WASHC3: variants seen among roughly 807,000 people sequenced by gnomAD.
WASHC3 encodes WASH complex subunit CCDC53.
A neutral mutation model predicts 26.1 loss-of-function variants in WASHC3; 24 were observed. The observed-to-expected ratio is 0.92, with a 90% confidence interval of 0.66 to 1.29. WASHC3 has a LOEUF of 1.29. Among genes scored for constraint, WASHC3 ranks in the 50% most tolerant of loss-of-function variants. The pLI, the probability that WASHC3 is intolerant of heterozygous loss-of-function variation, is 0.00. For missense variants in WASHC3, 214 were observed against 229.6 expected (o/e 0.93, Z 0.44); for synonymous variants, 77 against 75.7 (o/e 1.02, Z -0.09).
At chr12:102,030,156 G>A (rs575790493) in intron 5 of WASHC3, among the ~76,000 whole-genome samples, 1 of 152,006 alleles carries the variant, frequency 6.6e-6, no homozygotes, top group East Asian at 1.9e-4. Flanking sequence ...TTAGCCAGGA[G>A]TGGTGGCACA....
intron 5 of WASHC3, among the ~76,000 whole-genome samples, chr12:102,027,158 A>G (rs1307148953): frequency 6.6e-6 from 1 of 152,204 alleles, no homozygotes; most frequent in Non-Finnish European, 1.5e-5. Context: ...CTGTCACCTC[A>G]ATTATTTATT....
chr12:102,019,324 C>G, intron 6 of WASHC3: 1 of 328,112 alleles, frequency 3.0e-6, no homozygotes, highest in Non-Finnish European at 6.0e-6. Flanking sequence ...TCAAGGGGAA[C>G]AGAAATTTGG....
intron 2 of WASHC3, among the ~76,000 whole-genome samples, chr12:102,053,830 A>C (rs967434417): frequency 6.6e-6 from 1 of 152,260 alleles, no homozygotes; most frequent in African/African-American, 2.4e-5. Context: ...ATGGTGATTA[A>C]ATCACTTATA....
Position 102,038,231 on chromosome 12 carries a change from C to T in WASHC3, c.435+1637G>A, listed in dbSNP as rs144003298. ...AAATAAATCTAGATAATACCTAATA[C>T]AGTAGCTTAGCTTCAAGTAAGTGTT... is the stretch of plus-strand genomic sequence containing the variant. On this transcript the variant is annotated intron_variant, in intron 5 of 6. Coordinates refer to ENST00000240079, the MANE Select transcript of WASHC3 (RefSeq NM_016053.4). 1.4e-3 allele frequency among the ~76,000 whole-genome samples: 215 copies of T among 152,296 alleles called. 1 individual carries two copies. The highest frequency in any genetic ancestry group is 4.4e-3 in the African/African-American group (182 of 41,556).
chr12:102,023,265 T>A (rs1301528075), intron 6 of WASHC3, among the ~76,000 whole-genome samples: 1 of 152,214 alleles, frequency 6.6e-6, no homozygotes, highest in East Asian at 1.9e-4. Flanking sequence ...CAATCAACTA[T>A]AAATATTTTT....
intron 2 of WASHC3, among the ~76,000 whole-genome samples, chr12:102,053,732 T>C (rs886450461): frequency 6.6e-6 from 1 of 151,954 alleles, no homozygotes; most frequent in African/African-American, 2.4e-5. Context: ...AACAGAAAGA[T>C]TGGAATTATT....
intron 2 of WASHC3, among the ~76,000 whole-genome samples, chr12:102,054,835 C>T (rs576876526): frequency 6.9e-4 from 105 of 151,712 alleles, no homozygotes; most frequent in African/African-American, 2.3e-3. Flanking sequence ...AAATTAAAAA[C>T]GAAATTAAAA....
At chr12:102,054,737 C>G (rs1223676280) in intron 2 of WASHC3, among the ~76,000 whole-genome samples, 2 of 151,672 alleles carry the variant, frequency 1.3e-5, no homozygotes, top group Non-Finnish European at 2.9e-5. Flanking sequence ...GGTTTGAAAC[C>G]AGAAATCAAT....
chr12:102,025,657 C>G (rs1056784148), intron 6 of WASHC3, among the ~76,000 whole-genome samples: 11 of 102,544 alleles, frequency 1.1e-4, no homozygotes, highest in Non-Finnish European at 2.1e-4. Flanking sequence ...AAAAAACAAT[C>G]AAGCCAAGAA....
At chr12:102,053,360 T>C (rs1339209835) in intron 2 of WASHC3, among the ~76,000 whole-genome samples, 1 of 151,916 alleles carries the variant, frequency 6.6e-6, no homozygotes, top group African/African-American at 2.4e-5. Context: ...CCTACGAACC[T>C]AGGCACCAGG....
chr12:102,020,510 A>T (rs1278709170), intron 6 of WASHC3, among the ~76,000 whole-genome samples: 1 of 152,214 alleles, frequency 6.6e-6, no homozygotes, highest in Non-Finnish European at 1.5e-5. Context: ...TTTGTGTTTA[A>T]AACTAGCTAC....
At chr12:102,028,837 AATAAGT>A (rs1349115703) in intron 5 of WASHC3, among the ~76,000 whole-genome samples, 6 of 150,494 alleles carry the variant, frequency 4.0e-5, no homozygotes, top group Admixed American at 1.3e-4. Context: ...GAATAATAAG[AATAAGT>A]ATAAGAATAA....
chr12:102,018,414 C>T (rs1457739769), intron 6 of WASHC3, among the ~76,000 whole-genome samples: 2 of 152,170 alleles, frequency 1.3e-5, no homozygotes, highest in East Asian at 3.8e-4. Context: ...ATTTTATATT[C>T]CCACCAACAA....
chr12:102,029,578 T>G (rs890347304), intron 5 of WASHC3, among the ~76,000 whole-genome samples: 1 of 152,206 alleles, frequency 6.6e-6, no homozygotes, highest in Non-Finnish European at 1.5e-5. Context: ...ACAAAATCCT[T>G]TTATAAACCA....
At chr12:102,058,062 A>G (rs1483011908) in intron 2 of WASHC3, among the ~76,000 whole-genome samples, 2 of 152,268 alleles carry the variant, frequency 1.3e-5, no homozygotes, top group Admixed American at 6.5e-5. Flanking sequence ...AACAGAATAA[A>G]GAGCCCAGAA....
chr12:102,034,979 C>T (rs78935926), intron 5 of WASHC3, among the ~76,000 whole-genome samples: 2,081 of 152,052 alleles, frequency 0.014, 55 homozygotes, highest in African/African-American at 0.048. Context: ...AAAATATATA[C>T]ACATATATGG....
intron 2 of WASHC3, among the ~76,000 whole-genome samples, chr12:102,051,947 C>T (rs1264223785): frequency 6.6e-6 from 1 of 152,072 alleles, no homozygotes; most frequent in African/African-American, 2.4e-5. Context: ...ATCCAAATTG[C>T]TAAAATATAT....
At chr12:102,047,241 T>TC (rs1878204001) in intron 2 of WASHC3, among the ~76,000 whole-genome samples, 5 of 152,200 alleles carry the variant, frequency 3.3e-5, no homozygotes, top group African/African-American at 9.7e-5. Context: ...ATACACAGCA[T>TC]CCTGATTGTA....
rs147780898 is a variant in WASHC3, at chr12:102,038,540, T to C, written c.435+1328A>G. On this transcript the variant is annotated intron_variant, in intron 5 of 6. Transcript: ENST00000240079. ...GTGAAATAGTTTTTGTTGTTGTTGT[T>C]GTTGTTGTTGTTTTTTAACAAGTCT... is the stretch of plus-strand genomic sequence containing the variant. 1.3e-3 allele frequency among the ~76,000 whole-genome samples: 205 copies of C among 152,312 alleles called. 3 individuals carry two copies. Among genetic ancestry groups the C allele is most frequent in the African/African-American group, 4.6e-3 (191 of 41,542 alleles).
Sources: allele counts gnomAD v4.1 joint callset (sites outside exome capture counted in the v4.1 genomes callset), GRCh38; gene constraint gnomAD v4.1.1; transcripts MANE v1.5; gene names NCBI Gene and HGNC (gene_info 2026-07-23, HGNC 2026-07-21).